Variants in ZNF582 observed in about 807,000 individuals in gnomAD.
ZNF582 encodes zinc finger protein 582.
A neutral mutation model predicts 12.3 loss-of-function variants in ZNF582; 14 were observed. The observed-to-expected ratio is 1.14, with a 90% CI of 0.75 to 1.78. ZNF582 has a LOEUF of 1.78. Among genes scored for constraint, ZNF582 ranks in the 40% most tolerant of loss-of-function variants. The pLI is 0.00. For missense variants in ZNF582, 567 were observed against 616.5 expected, an observed-to-expected ratio of 0.92 and a Z score of 0.85; for synonymous variants, 210 against 207.2, an observed-to-expected ratio of 1.01 and a Z score of -0.11.
exon 5 of ZNF582, chr19:56,383,603 A>G (rs57436916): frequency 0.018 from 5,944 of 323,010 alleles, 339 homozygotes; most frequent in African/African-American, 0.12. Context: ...TAAGAAAACT[A>G]TAACTTTTGC....
chr19:56,390,126 T>A (rs751652040), intron 3 of ZNF582, 30 bp from the exon 4 acceptor site: 15 of 1,606,696 alleles, frequency 9.3e-6, no homozygotes, highest in Non-Finnish European at 1.3e-5. Flanking sequence ...TGCCACCTGG[T>A]TATGGTGTGG....
At chr19:56,387,612 A>T (rs7250287) in intron 4 of ZNF582, 1 of 151,492 alleles carries the variant, frequency 6.6e-6, no homozygotes, top group Non-Finnish European at 1.5e-5. Flanking sequence ...TCTTTTTTGC[A>T]GGGGAGATGG....
intron 4 of ZNF582, 131 bp from the exon 5 acceptor site, chr19:56,385,315 C>T: frequency 3.3e-6 from 3 of 904,992 alleles, no homozygotes; most frequent in Non-Finnish European, 4.8e-6. Flanking sequence ...ATAAAATGGA[C>T]AAGTAGAACA....
At chr19:56,388,361 A>G (rs887657810) in intron 4 of ZNF582, 1 of 152,268 alleles carries the variant, frequency 6.6e-6, no homozygotes, top group Admixed American at 6.5e-5. Flanking sequence ...GGTGAAAGGG[A>G]GAAAGCTCTT....
chr19:56,387,388 CCTT>C (rs1568785704), intron 4 of ZNF582: 1 of 152,158 alleles, frequency 6.6e-6, no homozygotes, highest in African/African-American at 2.4e-5. Context: ...AAAAACTGTA[CCTT>C]CTTAAATTCT....
intron 4 of ZNF582, chr19:56,387,589 TTC>T (rs1431952033): frequency 1.3e-5 from 2 of 152,138 alleles, no homozygotes; most frequent in African/African-American, 4.8e-5. Flanking sequence ...TCCAAAGTAT[TTC>T]TCTTTCTCTT....
exon 5 of ZNF582, chr19:56,383,798 T>C: frequency 6.7e-7 from 1 of 1,487,110 alleles, no homozygotes; most frequent in Non-Finnish European, 8.9e-7. Flanking sequence ...GAAGGCATTG[T>C]CACTGGCATT....
At chr19:56,384,191 T>A (rs375708339) in exon 5 of ZNF582, 10 of 1,612,128 alleles carry the variant, frequency 6.2e-6, no homozygotes, top group Non-Finnish European at 7.6e-6. Context: ...TACAGTAAGA[T>A]GTGAGACCCG....
intron 4 of ZNF582, chr19:56,387,330 A>G (rs1328297429): frequency 6.6e-6 from 1 of 152,178 alleles, no homozygotes; most frequent in East Asian, 1.9e-4. Context: ...CACTGTAGTG[A>G]TCCCAACATT....
exon 5 of ZNF582, chr19:56,384,329 C>T (rs1349585523): frequency 1.2e-6 from 2 of 1,612,484 alleles, no homozygotes; most frequent in Non-Finnish European, 1.7e-6. Flanking sequence ...GGGTTTCTCA[C>T]CGGTATGAAT....
intron 2 of ZNF582, 116 bp downstream of exon 2, chr19:56,391,628 G>A: frequency 1.2e-6 from 1 of 868,900 alleles, no homozygotes; most frequent in Non-Finnish European, 1.9e-6. Flanking sequence ...GGAGACTCCT[G>A]CCTGGTCCTT....
At chr19:56,389,946 C>G in intron 4 of ZNF582, 55 bp downstream of exon 4, 1 of 1,446,610 alleles carries the variant, frequency 6.9e-7, no homozygotes, top group Non-Finnish European at 9.7e-7. Context: ...AGGGCCACTT[C>G]CAGCGGACCT....
chr19:56,393,156 C>A, intron 1 of ZNF582, 64 bp downstream of exon 1: 2 of 1,174,586 alleles, frequency 1.7e-6, no homozygotes, highest in Non-Finnish European at 2.2e-6. Context: ...AAAAAAAAGG[C>A]ACGCATAACA....
intron 1 of ZNF582, among the ~76,000 whole-genome samples, 179 bp from the exon 2 acceptor site, chr19:56,392,011 A>C (rs1376197244): frequency 6.6e-6 from 1 of 152,016 alleles, no homozygotes; most frequent in Non-Finnish European, 1.5e-5. Flanking sequence ...GGCAAAGGGG[A>C]ACCAGTGGTC....
intron 3 of ZNF582, 80 bp downstream of exon 3, chr19:56,390,295 G>A (rs1034075489): frequency 4.4e-6 from 7 of 1,597,124 alleles, no homozygotes; most frequent in South Asian, 2.2e-5. Flanking sequence ...CCAATCATAA[G>A]ACTGAAAAGC....
chr19:56,393,288 G>T (rs984390753), exon 1 of ZNF582: 91 of 1,239,380 alleles, frequency 7.3e-5, no homozygotes, highest in Non-Finnish European at 8.9e-5. Context: ...CGCACGCCGC[G>T]AGGGCCGGCG....
At chr19:56,393,312 C>T in exon 1 of ZNF582, 3 of 1,208,380 alleles carry the variant, frequency 2.5e-6, no homozygotes, top group Non-Finnish European at 3.2e-6. Flanking sequence ...AATGTAGTCT[C>T]ACGCCGGTAA....
At chr19:56,384,258 T>C (rs764819106) in exon 5 of ZNF582, 2 of 1,614,144 alleles carry the variant, frequency 1.2e-6, no homozygotes, top group Non-Finnish European at 8.5e-7. Flanking sequence ...GTGTGAATTC[T>C]CTGATGTTGC....
At chr19:56,391,971 A>G (rs1035684787) in intron 1 of ZNF582, 139 bp from the exon 2 acceptor site, 1 of 657,882 alleles carries the variant, frequency 1.5e-6, no homozygotes, top group African/African-American at 1.8e-5. Context: ...TCCTCACCCA[A>G]CCCCAGGAAA....
Sources: allele counts gnomAD v4.1 joint callset (sites outside exome capture counted in the v4.1 genomes callset), GRCh38; gene constraint gnomAD v4.1.1; transcripts MANE v1.5; gene names NCBI Gene and HGNC (gene_info 2026-07-23, HGNC 2026-07-21).